Variants in ERCC4 observed in about 807,000 individuals in gnomAD.
ERCC4 encodes ERCC excision repair 4, endonuclease catalytic subunit.
Under a neutral mutation model 76.9 loss-of-function variants are expected in ERCC4, and 65 were observed. The observed-to-expected ratio is 0.84, with a 90% confidence interval of 0.69 to 1.04. The LOEUF (loss-of-function observed/expected upper bound fraction) is 1.04, where lower values mean the gene tolerates loss of function less well. ERCC4 is among the 50% of genes least tolerant of loss of function. The pLI, the probability that ERCC4 is intolerant of heterozygous loss-of-function variation, is 0.00. For synonymous variants in ERCC4, 463 were observed against 410.1 expected (o/e 1.13, Z -1.56); for missense variants, 1,214 against 1,128.2 (o/e 1.08, Z -1.09).
chr16:13,945,571 T>A (rs2032497827), intron 10 of ERCC4, among the ~76,000 whole-genome samples: 1 of 152,204 alleles, frequency 6.6e-6, no homozygotes, highest in South Asian at 2.1e-4. Context: ...TTTAGTAGAC[T>A]TTAGAATAAC....
Position 13,935,501 on chromosome 16 carries a change from A to G in ERCC4, c.1569A>G (p.Glu523=). 1 of 1,614,184 alleles carries G rather than the reference A, an allele frequency of 6.2e-7. No homozygotes were observed. Among genetic ancestry groups the G allele is most frequent in the Non-Finnish European group, 8.5e-7 (1 of 1,180,030 alleles). Residue 523 remains glutamate, a synonymous_variant, in exon 8 of 11, where the codon GAA becomes GAG. Coordinates refer to ENST00000311895, the MANE Select transcript of ERCC4 (RefSeq NM_005236.3). The stretch of plus-strand genomic sequence containing the variant: ...GTCGAGAAATAAGCAGTAGCCCAGA[A>G]AGCTGCCCGGAAGAAATTAAGCATG... The part of the protein sequence containing the change: ...GYRREISSSP[E]SCPEEIKHEE...
At chr16:13,944,668 A>C (rs1290885266) in intron 9 of ERCC4, 55 bp from the exon 10 acceptor site, 28 of 1,177,472 alleles carry the variant, frequency 2.4e-5, no homozygotes, top group Non-Finnish European at 3.3e-5. Flanking sequence ...ACACACAATA[A>C]AATCTAGAAT....
Position 13,934,171 on chromosome 16 carries a change from GAT to G in ERCC4, c.1103-18_1103-17del. 1 of 1,475,038 alleles carries G rather than the reference GAT, an allele frequency of 6.8e-7. No individual in the cohort carries two copies. Among genetic ancestry groups the G allele is most frequent in the Non-Finnish European group, 9.5e-7 (1 of 1,056,184 alleles). The allele number at this position is 1,475,038 out of a possible 1,614,324, so 91.4% of individuals were successfully genotyped here. A position where few individuals can be genotyped will look rare whatever the true frequency, so the allele number is the denominator to read the frequency against. On this transcript the variant is annotated intron_variant, in intron 6 of 10. Transcript: ENST00000311895. ...GGGTAAATATTATCACATAGAATGA[GAT>G]ATTTTTATTTCTCTACAGAAACAAA...
chr16:13,925,428 TG>T (rs1163808131), intron 2 of ERCC4, among the ~76,000 whole-genome samples: 1 of 152,136 alleles, frequency 6.6e-6, no homozygotes, highest in Non-Finnish European at 1.5e-5. Flanking sequence ...GTACGTGTAT[TG>T]GGGGGGTTAT....
intron 9 of ERCC4, among the ~76,000 whole-genome samples, chr16:13,940,386 CA>C (rs560268729): frequency 9.8e-4 from 124 of 126,636 alleles, no homozygotes; most frequent in Middle Eastern, 8.2e-3. Flanking sequence ...ACCCCCGTCT[CA>C]AAAAAAAAAA....
In ERCC4 at chr16:13,933,707, T is replaced by TA. The variant is rs549926995; in HGVS notation, c.1103-473dup. On this transcript the variant is annotated intron_variant, in intron 6 of 10. Transcript: ENST00000311895. ...GGGCAGTAAGAGTGAAACTTCGTCT[T>TA]AAAAAAAAAAAATCTTTTTAAAGAA... 362 of 147,876 alleles carry TA rather than the reference T, an allele frequency of 2.4e-3. 2 individuals are homozygous for TA. Among genetic ancestry groups the TA allele is most frequent in the African/African-American group, 6.9e-3 (277 of 40,392 alleles). 9.2% of individuals were successfully genotyped at this position (147,876 alleles called of 1,614,324 possible). A position where few individuals can be genotyped will look rare whatever the true frequency, so the allele number is the denominator to read the frequency against.
rs764730051 is a variant in ERCC4 at position 13,935,620 on chromosome 16, C to T, written c.1688C>T (p.Pro563Leu). Residue 563 changes from proline (P) to leucine (L), a missense_variant, in exon 8 of 11, where the codon CCC (proline) becomes CTC (leucine). Coordinates refer to ENST00000311895, the MANE Select transcript of ERCC4 (RefSeq NM_005236.3). ...IIHPLLGCSD[P>L]YALTRVLHEV... ...CATCCGCTTCTGGGTTGCAGCGACCCCTATGCTCTGACAAGGGTACTACAT... is the reference window on the plus strand; with the variant it reads ...CATCCGCTTCTGGGTTGCAGCGACCTCTATGCTCTGACAAGGGTACTACAT... The T allele has an allele frequency of 6.2e-7, 1 of 1,613,988 alleles. No individual in the cohort carries two copies.
intron 6 of ERCC4, chr16:13,932,568 A>G (rs865995659): frequency 8.0e-5 from 43 of 535,266 alleles, no homozygotes; most frequent in Non-Finnish European, 1.0e-4. Context: ...ATGCTACATG[A>G]GGAGCTATAT....
intron 3 of ERCC4, among the ~76,000 whole-genome samples, chr16:13,926,973 G>C (rs894176210): frequency 6.6e-6 from 1 of 152,132 alleles, no homozygotes; most frequent in Admixed American, 6.5e-5. Flanking sequence ...TTTGATGGTT[G>C]CTTTTCTGCT....
In ERCC4 at chr16:13,935,509, C is replaced by A. The variant is rs149056863; in HGVS notation, c.1577C>A (p.Pro526Gln). ...REISSSPESC[P>Q]EEIKHEEFDV... ...ATAAGCAGTAGCCCAGAAAGCTGCC[C>A]GGAAGAAATTAAGCATGAAGAATTT... The change falls in exon 8 of 11, where the codon CCG becomes CAG. Residue 526 changes from proline to glutamine, a missense_variant. By Grantham distance (76) the Pro-to-Gln change is moderately conservative. Coordinates refer to ENST00000311895, the MANE Select transcript of ERCC4 (RefSeq NM_005236.3). 5.0e-6 allele frequency: 8 copies of A among 1,613,972 alleles called. No individual in the cohort carries two copies. Among genetic ancestry groups the A allele is most frequent in the African/African-American group, 1.3e-5 (1 of 74,886 alleles).
At position 13,926,619 on chromosome 16, in the gene ERCC4, G is replaced by T. The variant is rs139989614; in HGVS notation, c.447G>T (p.Leu149Phe). The change falls in exon 3 of 11, where the codon TTG (leucine) becomes TTT (phenylalanine). Residue 149 changes from leucine (L) to phenylalanine (F), a missense_variant. Physicochemically the swap from Leu to Phe is conservative, Grantham distance 22. Transcript: ENST00000311895. ...AGTCTTGTCAAGAAGCATTCATCTT[G>T]CGCCTCTTTCGCCAGAAAAACAAAC... is the stretch of plus-strand genomic sequence containing the variant. ...IIESCQEAFI[L>F]RLFRQKNKRG... is the part of the protein sequence containing the mutation. The T allele has an allele frequency of 1.2e-6, 2 of 1,614,106 alleles. No homozygotes were observed. Among genetic ancestry groups the T allele is most frequent in the South Asian group, 1.1e-5 (1 of 91,078 alleles).
Position 13,922,056 on chromosome 16 carries a change from TAGA to T in ERCC4, c.236_238del (p.Glu79del), listed in dbSNP as rs771203473. 2.5e-6 allele frequency: 4 copies of T among 1,613,744 alleles called. No homozygotes were observed. In the East Asian group the frequency reaches 8.9e-5, roughly 36 times the overall value. ...GAGTATTTTATCAATCAGCTGAAGA[TAGA>T]AGGAGTTGAACACCTCCCTCGCCGT... On this transcript the variant is annotated inframe_deletion, in exon 2 of 11. Coordinates refer to ENST00000311895, the MANE Select transcript of ERCC4 (RefSeq NM_005236.3).
intron 4 of ERCC4, among the ~76,000 whole-genome samples, chr16:13,929,148 T>C (rs3136099): frequency 0.11 from 16,946 of 152,192 alleles, 1,493 homozygotes; most frequent in African/African-American, 0.24. Context: ...AAAAATAAAA[T>C]TGTAGCCTAA....
intron 4 of ERCC4, 104 bp from the exon 5 acceptor site, chr16:13,930,606 C>A: frequency 1.2e-6 from 1 of 851,276 alleles, no homozygotes. Context: ...CCATTTTAAC[C>A]ATTTTTAGAT....
intron 2 of ERCC4, 90 bp from the exon 3 acceptor site, chr16:13,926,471 C>A: frequency 9.0e-7 from 1 of 1,109,706 alleles, no homozygotes; most frequent in Non-Finnish European, 1.4e-6. Context: ...GGTGCTTATT[C>A]ATTCTCTTGT....
chr16:13,926,249 T>C (rs1394267890), intron 2 of ERCC4, among the ~76,000 whole-genome samples: 1 of 152,224 alleles, frequency 6.6e-6, no homozygotes, highest in Non-Finnish European at 1.5e-5. Context: ...TTGGCCCAGA[T>C]GGTCACAAGG....
chr16:13,922,307 C>T (rs540569071), intron 2 of ERCC4, 96 bp downstream of exon 2: 2 of 934,776 alleles, frequency 2.1e-6, no homozygotes, highest in East Asian at 2.4e-5. Context: ...AATAGTCTGT[C>T]TTCAGTCTTG....
At chr16:13,938,409 G>A (rs897331573) in intron 9 of ERCC4, among the ~76,000 whole-genome samples, 5 of 152,190 alleles carry the variant, frequency 3.3e-5, no homozygotes, top group Non-Finnish European at 7.3e-5. Flanking sequence ...CCAAATCCAA[G>A]TAGAAAATGC....
Position 13,944,788 on chromosome 16 carries a change from T to C in ERCC4, c.1970T>C (p.Val657Ala), listed in dbSNP as rs763532154. Reference sequence around the variant, plus strand: ...AGAGATGAAACAAACTTAGACCTAGTAAGAGGCACAGCATCTGCAGATGTT... The same window carrying C: ...AGAGATGAAACAAACTTAGACCTAGCAAGAGGCACAGCATCTGCAGATGTT... ...EGRDETNLDL[V>A]RGTASADVST... The change falls in exon 10 of 11, where the codon GTA becomes GCA. Residue 657 changes from valine (V) to alanine (A), a missense_variant. Physicochemically the swap from Val to Ala is moderately conservative, Grantham distance 64. Coordinates refer to ENST00000311895, the MANE Select transcript of ERCC4 (RefSeq NM_005236.3). The C allele has an allele frequency of 1.9e-6, 3 of 1,614,032 alleles. No individual in the cohort carries two copies. In the East Asian group the frequency reaches 6.7e-5, roughly 36 times the overall value.
Sources: allele counts gnomAD v4.1 joint callset (sites outside exome capture counted in the v4.1 genomes callset), GRCh38; gene constraint gnomAD v4.1.1; transcripts MANE v1.5; gene names NCBI Gene and HGNC (gene_info 2026-07-23, HGNC 2026-07-21).